ST6GALNAC3: variants seen among roughly 807,000 people sequenced by gnomAD.
ST6GALNAC3 encodes the protein ST6 N-acetylgalactosaminide alpha-2,6-sialyltransferase 3.
ST6GALNAC3 carries 25 observed loss-of-function variants against 32.7 expected under a neutral mutation model. That is an observed-to-expected ratio of 0.76 (90% CI 0.56 to 1.07). The LOEUF is 1.07. ST6GALNAC3 is among the 50% of genes least tolerant of loss of function. ST6GALNAC3 has a pLI of 0.00. For missense variants in ST6GALNAC3, 355 were observed against 382.4 expected (o/e 0.93, Z 0.60); for synonymous variants, 129 against 133.1 (o/e 0.97, Z 0.21).
chr1:76,446,218 A>G (rs1195431318), intron 3 of ST6GALNAC3, among the ~76,000 whole-genome samples: 18 of 152,198 alleles, frequency 1.2e-4, no homozygotes, highest in Non-Finnish European at 4.4e-5. Context: ...CAAAACTGAA[A>G]GGAAAGTACA....
At chr1:76,328,824 C>T (rs1316361865) in intron 2 of ST6GALNAC3, among the ~76,000 whole-genome samples, 1 of 152,096 alleles carries the variant, frequency 6.6e-6, no homozygotes, top group African/African-American at 2.4e-5. Flanking sequence ...CCAAATAGCC[C>T]TTGTGTTTCT....
chr1:76,339,597 C>T (rs1454153265), intron 2 of ST6GALNAC3, among the ~76,000 whole-genome samples: 1 of 151,892 alleles, frequency 6.6e-6, no homozygotes, highest in Non-Finnish European at 1.5e-5. Context: ...TTTGAATGTC[C>T]CACTATAAAA....
At chr1:76,537,590 G>C (rs1194094187) in intron 3 of ST6GALNAC3, among the ~76,000 whole-genome samples, 1 of 152,018 alleles carries the variant, frequency 6.6e-6, no homozygotes, top group Admixed American at 6.6e-5. Context: ...GAGGAAAAGA[G>C]AGAAGAATCA....
chr1:76,202,013 A>G (rs1459419603), intron 1 of ST6GALNAC3, among the ~76,000 whole-genome samples: 2 of 152,154 alleles, frequency 1.3e-5, no homozygotes, highest in East Asian at 3.9e-4. Context: ...TTAAAGCAAA[A>G]GTAATGAACT....
chr1:76,238,144 T>A (rs969738810), intron 1 of ST6GALNAC3, among the ~76,000 whole-genome samples: 4 of 152,254 alleles, frequency 2.6e-5, no homozygotes, highest in Non-Finnish European at 4.4e-5. Flanking sequence ...TTGCAATTTC[T>A]TCCCAGCCCG....
Position 76,401,971 on chromosome 1 carries a change from A to C in ST6GALNAC3, c.214-10037A>C, listed in dbSNP as rs139842767. 1.1e-3 allele frequency among the ~76,000 whole-genome samples: 172 copies of C among 152,278 alleles called. 4 individuals carry two copies. The East Asian group carries it at 0.025, about 22-fold the overall frequency. ...GCAGATTTTAGTGTTAGTGAGCTCTAGTCTTCTCTAGGCTGGTAATTTCCT... is the reference window on the plus strand; with the variant it reads ...GCAGATTTTAGTGTTAGTGAGCTCTCGTCTTCTCTAGGCTGGTAATTTCCT... On this transcript the variant is annotated intron_variant, in intron 2 of 4. Coordinates refer to ENST00000328299, the MANE Select transcript of ST6GALNAC3 (RefSeq NM_152996.4).
At chr1:76,095,903 C>T (rs752778090) in intron 1 of ST6GALNAC3, among the ~76,000 whole-genome samples, 5 of 152,112 alleles carry the variant, frequency 3.3e-5, no homozygotes, top group African/African-American at 7.2e-5. Context: ...ACCGGGCCCT[C>T]GGACATGCCC....
chr1:76,211,980 G>T (rs1655194815), intron 1 of ST6GALNAC3, among the ~76,000 whole-genome samples: 1 of 152,072 alleles, frequency 6.6e-6, no homozygotes, highest in Non-Finnish European at 1.5e-5. Flanking sequence ...CTCCAACATA[G>T]TCATACTGGG....
chr1:76,172,883 T>A (rs1297296996), intron 1 of ST6GALNAC3, among the ~76,000 whole-genome samples: 3 of 152,174 alleles, frequency 2.0e-5, no homozygotes, highest in African/African-American at 7.2e-5. Context: ...ATAGGAAGAA[T>A]TAATATCATG....
chr1:76,580,177 T>A (rs559838526), intron 3 of ST6GALNAC3, among the ~76,000 whole-genome samples: 2 of 152,188 alleles, frequency 1.3e-5, no homozygotes, highest in Non-Finnish European at 1.5e-5. Flanking sequence ...GATTTAAAAT[T>A]TGTTGAAGTA....
At chr1:76,316,140 G>A (rs879320926) in intron 2 of ST6GALNAC3, among the ~76,000 whole-genome samples, 10 of 152,114 alleles carry the variant, frequency 6.6e-5, no homozygotes, top group East Asian at 5.8e-4. Context: ...AAGTGTTGAC[G>A]AGGATGTGGA....
intron 3 of ST6GALNAC3, chr1:76,576,966 C>CAAAA: frequency 1.6e-6 from 2 of 1,281,506 alleles, no homozygotes; most frequent in Admixed American, 2.5e-5. Context: ...AACAAACAAA[C>CAAAA]AAAACTAAGC....
At chr1:76,421,157 A>G (rs1443742200) in intron 3 of ST6GALNAC3, among the ~76,000 whole-genome samples, 2 of 152,102 alleles carry the variant, frequency 1.3e-5, no homozygotes, top group African/African-American at 2.4e-5. Context: ...TCCCTTTGCC[A>G]TTGTTGAAAT....
chr1:76,464,636 C>T (rs1320399704), intron 3 of ST6GALNAC3, among the ~76,000 whole-genome samples: 1 of 152,234 alleles, frequency 6.6e-6, no homozygotes, highest in Non-Finnish European at 1.5e-5. Flanking sequence ...CCCCTGGCAA[C>T]AGCAATAGCT....
intron 3 of ST6GALNAC3, among the ~76,000 whole-genome samples, chr1:76,504,287 T>G (rs11804754): frequency 0.07 from 10,629 of 152,212 alleles, 1,259 homozygotes; most frequent in African/African-American, 0.24. Context: ...GTGTGTCTTT[T>G]TATCTGTTTC....
chr1:76,343,176 A>G lies in ST6GALNAC3; in HGVS notation c.213+29177A>G, dbSNP rs182007253. 1.8e-3 allele frequency among the ~76,000 whole-genome samples: 272 copies of G among 152,284 alleles called. 1 individual carries two copies. Among genetic ancestry groups the G allele is most frequent in the Middle Eastern group, 6.8e-3 (2 of 294 alleles). On this transcript the variant is annotated intron_variant, in intron 2 of 4. Transcript: ENST00000328299. ...TCCAATGTCTAGCAGAGTATTTATT[A>G]GGTTTTCTTCTAGTTGTTCTCTATT...
At chr1:76,166,181 A>C (rs1652112588) in intron 1 of ST6GALNAC3, among the ~76,000 whole-genome samples, 3 of 152,132 alleles carry the variant, frequency 2.0e-5, no homozygotes, top group Admixed American at 1.3e-4. Context: ...TAATTTTTGT[A>C]TATGGCGGAA....
intron 2 of ST6GALNAC3, among the ~76,000 whole-genome samples, chr1:76,322,440 C>T (rs1646984853): frequency 6.6e-6 from 1 of 152,134 alleles, no homozygotes; most frequent in Non-Finnish European, 1.5e-5. Flanking sequence ...TTAGGAGTAT[C>T]CTGGAACAAT....
intron 1 of ST6GALNAC3, among the ~76,000 whole-genome samples, chr1:76,250,046 A>G (rs1251269048): frequency 2.0e-5 from 3 of 151,860 alleles, no homozygotes; most frequent in South Asian, 2.1e-4. Flanking sequence ...CTTCCATTTT[A>G]TGTTTGTCTT....
Sources: allele counts gnomAD v4.1 joint callset (sites outside exome capture counted in the v4.1 genomes callset), GRCh38; gene constraint gnomAD v4.1.1; transcripts MANE v1.5; gene names NCBI Gene and HGNC (gene_info 2026-07-23, HGNC 2026-07-21).